The following GRHL2 variants were observed in gnomAD, a reference collection of about 807,000 sequenced individuals.
GRHL2 encodes the protein grainyhead like transcription factor 2.
GRHL2 carries 21 observed loss-of-function variants against 83.8 expected under a neutral mutation model. The observed-to-expected ratio is 0.25, with a 90% CI of 0.18 to 0.36. The LOEUF (loss-of-function observed/expected upper bound fraction) is 0.36, where lower values mean the gene tolerates loss of function less well. GRHL2 is among the 10% of genes least tolerant of loss of function. The probability of loss-of-function intolerance (pLI) is 1.00; values close to 1 mark genes in which losing one functional copy is unlikely to be tolerated. For missense variants in GRHL2, 623 were observed against 781.8 expected, an observed-to-expected ratio of 0.80 and a Z score of 2.42; for synonymous variants, 280 against 278.9, an observed-to-expected ratio of 1.00 and a Z score of -0.04.
rs187128797 is a variant in GRHL2, at chr8:101,639,568, A to G, written c.1517+2640A>G. On this transcript the variant is annotated intron_variant, in intron 12 of 15. Coordinates refer to ENST00000646743, the MANE Select transcript of GRHL2 (RefSeq NM_024915.4). ...CATTTCCCATCACTGGCTTTTAGCC[A>G]TGATGCTCTACTGTGTAACCCTCTT... is the stretch of plus-strand genomic sequence containing the variant. Among the ~76,000 whole-genome samples, 34 of 152,370 alleles carry G rather than the reference A, an allele frequency of 2.2e-4. No individual in the cohort carries two copies. The East Asian group carries it at 6.6e-3, about 29-fold the overall frequency.
rs990712127 is a variant in GRHL2, at chr8:101,575,043, C to T, written c.891+1219C>T. Among the ~76,000 whole-genome samples, 7 of 152,178 alleles carry T rather than the reference C, an allele frequency of 4.6e-5. No individual in the cohort carries two copies. The East Asian group carries it at 1.3e-3, about 29-fold the overall frequency. On this transcript the variant is annotated intron_variant, in intron 6 of 15. Transcript: ENST00000646743. ...ACCCCAGGGCGTCGGACTCCTGAACCCAACTCTCTTTACTGTGAGGTTGTG... is the reference window on the plus strand; with the variant it reads ...ACCCCAGGGCGTCGGACTCCTGAACTCAACTCTCTTTACTGTGAGGTTGTG...
intron 14 of GRHL2, among the ~76,000 whole-genome samples, chr8:101,652,534 T>TGTTTGTGTGTG (rs1563627483): frequency 5.1e-5 from 4 of 78,154 alleles, no homozygotes; most frequent in African/African-American, 3.1e-4. Context: ...GTGTGTGTGG[T>TGTTTGTGTGTG]GTGTGTGTGT....
At chr8:101,634,044 G>A (rs894406702) in intron 11 of GRHL2, among the ~76,000 whole-genome samples, 6 of 152,166 alleles carry the variant, frequency 3.9e-5, no homozygotes, top group African/African-American at 7.2e-5. Flanking sequence ...TCATAAGCCC[G>A]GCTGTCAGCC....
At chr8:101,548,947 C>A (rs1811320947) in intron 2 of GRHL2, among the ~76,000 whole-genome samples, 1 of 152,102 alleles carries the variant, frequency 6.6e-6, no homozygotes, top group Admixed American at 6.6e-5. Context: ...TTGGTCCTGC[C>A]CTTTCCAGGC....
Position 101,558,742 on chromosome 8 carries a change from A to G in GRHL2, c.608A>G (p.Tyr203Cys), listed in dbSNP as rs1184243308. The stretch of plus-strand genomic sequence containing the variant: ...CCCTCGCTGGCCACCCACAGCGCCT[A>G]TCTCAAAGACGACCAGCGCAGCACT... ...DVPSLATHSA[Y>C]LKDDQRSTPD... The change falls in exon 4 of 16, where the codon TAT becomes TGT. Residue 203 changes from tyrosine to cysteine, a missense_variant. By Grantham distance (194) the Tyr-to-Cys change is radical. This residue lies in a region of GRHL2 where 239 missense variants were observed against 240.5 expected (regional missense o/e 0.99). Transcript: ENST00000646743. 6 of 1,614,030 alleles carry G rather than the reference A, an allele frequency of 3.7e-6. No individual in the cohort carries two copies. The highest frequency in any genetic ancestry group is 3.3e-5 in the Admixed American group (2 of 60,000).
intron 14 of GRHL2, among the ~76,000 whole-genome samples, chr8:101,652,374 A>ATG (rs35343402): frequency 0.8 from 74,353 of 92,574 alleles, 30,525 homozygotes; most frequent in Non-Finnish European, 0.85. Context: ...TGTGTGTCTG[A>ATG]TGTGTGTGTG....
At chr8:101,655,036 G>A (rs141110401) in intron 14 of GRHL2, among the ~76,000 whole-genome samples, 1,605 of 152,172 alleles carry the variant, frequency 0.011, 10 homozygotes, top group Non-Finnish European at 0.015. Context: ...TACAAAATTA[G>A]CCAGGTGTGG....
At chr8:101,502,021 C>T (rs917261346) in intron 1 of GRHL2, among the ~76,000 whole-genome samples, 2 of 81,072 alleles carry the variant, frequency 2.5e-5, no homozygotes, top group Non-Finnish European at 4.9e-5. Context: ...TCTTCCCACA[C>T]TCACCCCAAA....
At chr8:101,546,338 T>C (rs1251081099) in intron 2 of GRHL2, among the ~76,000 whole-genome samples, 2 of 152,162 alleles carry the variant, frequency 1.3e-5, no homozygotes, top group Non-Finnish European at 2.9e-5. Context: ...ATTTCATATA[T>C]CTGTATTTGA....
chr8:101,608,529 G>A (rs1046534752), intron 8 of GRHL2, among the ~76,000 whole-genome samples: 1 of 152,150 alleles, frequency 6.6e-6, no homozygotes, highest in Admixed American at 6.5e-5. Context: ...ATACAAGGTA[G>A]GTAAGTGACA....
chr8:101,529,864 C>CAA (rs1368542797), intron 1 of GRHL2, among the ~76,000 whole-genome samples: 2 of 152,116 alleles, frequency 1.3e-5, no homozygotes, highest in African/African-American at 4.8e-5. Context: ...TGTATATATA[C>CAA]AAGTGAGGCC....
intron 8 of GRHL2, among the ~76,000 whole-genome samples, chr8:101,609,307 G>A (rs935959879): frequency 6.7e-5 from 10 of 149,504 alleles, no homozygotes; most frequent in African/African-American, 2.6e-4. Context: ...TCAACAAGCA[G>A]CATCAGTGCT....
At chr8:101,662,177 G>T (rs2129758183) in intron 14 of GRHL2, among the ~76,000 whole-genome samples, 1 of 152,320 alleles carries the variant, frequency 6.6e-6, no homozygotes, top group Admixed American at 6.5e-5. Flanking sequence ...TGTTCGAATT[G>T]ATGCCTCCAA....
chr8:101,503,110 G>T (rs928133794), intron 1 of GRHL2, among the ~76,000 whole-genome samples: 1 of 152,172 alleles, frequency 6.6e-6, no homozygotes, highest in Admixed American at 6.5e-5. Flanking sequence ...GAATTTAAAA[G>T]TCTCTGAAGT....
intron 13 of GRHL2, among the ~76,000 whole-genome samples, chr8:101,645,388 C>T (rs1033343922): frequency 6.6e-6 from 1 of 152,124 alleles, no homozygotes; most frequent in Non-Finnish European, 1.5e-5. Flanking sequence ...GCCTTGGCCT[C>T]CCGAAGTGCT....
chr8:101,545,579 A>C (rs978079771), intron 2 of GRHL2, among the ~76,000 whole-genome samples: 1 of 151,484 alleles, frequency 6.6e-6, no homozygotes, highest in African/African-American at 2.4e-5. Flanking sequence ...ATCTCATCTG[A>C]GAAATGCAAG....
chr8:101,551,071 G>A (rs1281095662), intron 2 of GRHL2, among the ~76,000 whole-genome samples: 1 of 152,118 alleles, frequency 6.6e-6, no homozygotes, highest in Non-Finnish European at 1.5e-5. Flanking sequence ...ATGAACACAG[G>A]TGTGTTGAGT....
intron 6 of GRHL2, among the ~76,000 whole-genome samples, chr8:101,576,929 C>T (rs915743234): frequency 1.3e-5 from 2 of 152,106 alleles, no homozygotes; most frequent in African/African-American, 2.4e-5. Flanking sequence ...TTCCTCATTT[C>T]CTTAGTATTT....
chr8:101,559,246 T>C (rs1448827446), intron 4 of GRHL2, among the ~76,000 whole-genome samples: 1 of 151,394 alleles, frequency 6.6e-6, no homozygotes, highest in African/African-American at 2.4e-5. Context: ...ACGCGGTGGC[T>C]CATGCCTGTA....
Sources: allele counts gnomAD v4.1 joint callset (sites outside exome capture counted in the v4.1 genomes callset), GRCh38; gene constraint gnomAD v4.1.1; regional missense constraint gnomAD v4.1.1; transcripts MANE v1.5; gene names NCBI Gene and HGNC (gene_info 2026-07-23, HGNC 2026-07-21).